ARHGEF25: variants seen among roughly 807,000 people sequenced by gnomAD.
The protein encoded by ARHGEF25 is RAC/CDC42 exchange factor.
Under a neutral mutation model 74.0 loss-of-function variants are expected in ARHGEF25, and 42 were observed. The ratio of observed to expected loss-of-function variants is 0.57; its 90% confidence interval spans 0.44 to 0.73. ARHGEF25 has a LOEUF of 0.73. Among genes scored for constraint, ARHGEF25 ranks in the 30% least tolerant of loss-of-function variants. The pLI, the probability that ARHGEF25 is intolerant of heterozygous loss-of-function variation, is 0.00. For synonymous variants in ARHGEF25, 293 were observed against 278.6 expected (o/e 1.05, Z -0.51); for missense variants, 645 against 725.5 (o/e 0.89, Z 1.27).
At position 57,614,295 on chromosome 12, in the gene ARHGEF25, G is replaced by A. The variant is rs1884184306; in HGVS notation, c.657-36G>A. ...GTGGGCGAGGTGGGGGTTGTGAAAT[G>A]TATTTGACCTGCTGCTTCTCTACCA... On this transcript the variant is annotated intron_variant, in intron 6 of 14. Transcript: ENST00000286494. This position sits in a 1 kb window ranked among gnomAD's most constrained non-coding sequence, Gnocchi z 4.6. 6.2e-6 allele frequency: 10 copies of A among 1,612,354 alleles called. No homozygotes were observed. The highest frequency in any genetic ancestry group is 8.5e-6 in the Non-Finnish European group (10 of 1,178,396).
In ARHGEF25 at chr12:57,613,350, T is replaced by A; in HGVS notation, c.399T>A (p.Asp133Glu). Residue 133 changes from aspartate (D) to glutamate (E), a missense_variant, in exon 3 of 15, where the codon GAT (aspartate) becomes GAA (glutamate). By Grantham distance (45) the Asp-to-Glu change is conservative. This residue lies in a region of ARHGEF25 where 189 missense variants were observed against 199.1 expected (regional missense o/e 0.95). Transcript: ENST00000286494. ...CCACACTGTTGGAGGGCCCTGGAGATAAGACGCAGGTGTGAGGACAGGCTC... is the reference window on the plus strand; with the variant it reads ...CCACACTGTTGGAGGGCCCTGGAGAAAAGACGCAGGTGTGAGGACAGGCTC... ...LLTTLLEGPGDKTQPPEEETL... is the reference protein window; with the variant it reads ...LLTTLLEGPGEKTQPPEEETL... The A allele has an allele frequency of 1.2e-6, 2 of 1,614,176 alleles. No individual in the cohort carries two copies. The highest frequency in any genetic ancestry group is 2.7e-5 in the African/African-American group (2 of 75,046).
chr12:57,614,142 C>G lies in ARHGEF25; in HGVS notation c.656+23C>G. Reference sequence around the variant, plus strand: ...AGAGTGAGTGGTGGAACTCTGACAGCTAGGTGCTGGAGAGGGGCCCTCATC... The same window carrying G: ...AGAGTGAGTGGTGGAACTCTGACAGGTAGGTGCTGGAGAGGGGCCCTCATC... On this transcript the variant is annotated intron_variant, in intron 6 of 14. Coordinates refer to ENST00000286494, the MANE Select transcript of ARHGEF25 (RefSeq NM_182947.4). The surrounding 1 kb of genome is among the most constrained non-coding windows in gnomAD (Gnocchi z 4.6). 1 of 1,611,668 alleles carries G rather than the reference C, an allele frequency of 6.2e-7. No homozygotes were observed. The highest frequency in any genetic ancestry group is 8.5e-7 in the Non-Finnish European group (1 of 1,177,980).
rs577560709 is a variant in ARHGEF25 at position 57,612,811 on chromosome 12, G to A, written c.98-119G>A. ...CAACTCAAATGAGGATGGCAAGAGA[G>A]TGAGCCCTTGGAGAGAGAGGCTGAG... is the stretch of plus-strand genomic sequence containing the variant. On this transcript the variant is annotated intron_variant, in intron 1 of 14. Coordinates refer to ENST00000286494, the MANE Select transcript of ARHGEF25 (RefSeq NM_182947.4). The A allele has an allele frequency of 2.3e-4, 345 of 1,506,600 alleles. 3 individuals carry two copies. In the South Asian group the frequency reaches 4.4e-3, roughly 19 times the overall value. 93.3% of individuals were successfully genotyped at this position (1,506,600 alleles called of 1,614,324 possible).
At position 57,613,017 on chromosome 12, in the gene ARHGEF25, T is replaced by C. The variant is rs1884118504; in HGVS notation, c.185T>C (p.Leu62Pro). 6.2e-7 allele frequency: 1 copy of C among 1,614,116 alleles called. No homozygotes were observed. The highest frequency in any genetic ancestry group is 8.5e-7 in the Non-Finnish European group (1 of 1,179,998). The change falls in exon 2 of 15, where the codon CTC (leucine) becomes CCC (proline). Residue 62 changes from leucine to proline, a missense_variant. Physicochemically the swap from Leu to Pro is moderately conservative, Grantham distance 98. Coordinates refer to ENST00000286494, the MANE Select transcript of ARHGEF25 (RefSeq NM_182947.4). The part of the protein sequence containing the change: ...LAAPSGPSSG[L>P]SSGPCSPGPP... ...GCCCCCTCTGGCCCCAGCTCTGGCC[T>C]CAGCTCTGGCCCCTGTTCCCCAGGC...
At chr12:57,611,035 A>G (rs1255526255), upstream of ARHGEF25, among the ~76,000 whole-genome samples, 2 of 151,618 alleles carry the variant, frequency 1.3e-5, no homozygotes, top group African/African-American at 2.4e-5. The surrounding 1 kb of genome is among the most constrained non-coding windows in gnomAD (Gnocchi z 4.5). Context: ...CCCACAAAAG[A>G]CTCCCCATAC....
upstream of ARHGEF25, chr12:57,610,313 G>T (rs200996448): frequency 1.4e-3 from 2,103 of 1,528,644 alleles, 8 homozygotes; most frequent in Non-Finnish European, 1.6e-3. Flanking sequence ...TGGGCAGGAG[G>T]GGGTAAGAAT....
Position 57,611,455 on chromosome 12 carries a change from G to A in ARHGEF25, c.-440G>A. 1 of 985,492 alleles carries A rather than the reference G, an allele frequency of 1.0e-6. No homozygotes were observed. The highest frequency in any genetic ancestry group is 1.2e-6 in the Non-Finnish European group (1 of 830,068). 61.0% of individuals were successfully genotyped at this position (985,492 alleles called of 1,614,324 possible). A position where few individuals can be genotyped will look rare whatever the true frequency, so the allele number is the denominator to read the frequency against. ...CTGTTATTCAGCTCTCCGCTCCGCT[G>A]GGACCCGCACAGCGCCAGTGGCTCG... On this transcript the variant is annotated 5_prime_UTR_variant, in exon 1 of 15. Coordinates refer to ENST00000286494, the MANE Select transcript of ARHGEF25 (RefSeq NM_182947.4). This position sits in a 1 kb window ranked among gnomAD's most constrained non-coding sequence, Gnocchi z 4.5.
upstream of ARHGEF25, chr12:57,610,555 G>A: frequency 1.9e-6 from 3 of 1,602,730 alleles, no homozygotes; most frequent in Non-Finnish European, 2.6e-6. Flanking sequence ...CCTTACAGTG[G>A]TTCTGTCCCC....
intron 4 of ARHGEF25, 77 bp from the exon 5 acceptor site, chr12:57,613,617 G>T: frequency 2.5e-6 from 4 of 1,609,930 alleles, no homozygotes; most frequent in Non-Finnish European, 3.4e-6. Flanking sequence ...GATGATAAAG[G>T]GGAGGAGGGA....
chr12:57,611,695 A>G lies in ARHGEF25; in HGVS notation c.-200A>G. ...CCGGGCCCCGCGCCTCTCTCTCTCT[A>G]GAGCCCCCAGCCCTCCTCAAGACTA... On this transcript the variant is annotated 5_prime_UTR_variant, in exon 1 of 15. Coordinates refer to ENST00000286494, the MANE Select transcript of ARHGEF25 (RefSeq NM_182947.4). This position sits in a 1 kb window ranked among gnomAD's most constrained non-coding sequence, Gnocchi z 4.5. The G allele has an allele frequency of 2.6e-6, 3 of 1,135,008 alleles. No individual in the cohort carries two copies. Among genetic ancestry groups the G allele is most frequent in the African/African-American group, 1.6e-5 (1 of 60,976 alleles). 70.3% of individuals were successfully genotyped at this position (1,135,008 alleles called of 1,614,324 possible).
Position 57,612,997 on chromosome 12 carries a change from C to A in ARHGEF25, c.165C>A (p.Pro55=), listed in dbSNP as rs767335428. The change falls in exon 2 of 15, where the codon CCC becomes CCA. Residue 55 remains proline (P), a synonymous_variant. Transcript: ENST00000286494. ...SASAASGLAA[P]SGPSSGLSSG... ...CTGCTGCCTCCGGTCTGGCTGCCCC[C>A]TCTGGCCCCAGCTCTGGCCTCAGCT... is the stretch of plus-strand genomic sequence containing the variant. The A allele has an allele frequency of 6.2e-7, 1 of 1,614,158 alleles. No homozygotes were observed. The highest frequency in any genetic ancestry group is 8.5e-7 in the Non-Finnish European group (1 of 1,180,012).
intron 5 of ARHGEF25, 65 bp from the exon 6 acceptor site, chr12:57,613,951 G>A (rs1418851980): frequency 6.5e-7 from 1 of 1,545,708 alleles, no homozygotes; most frequent in Non-Finnish European, 8.9e-7. Flanking sequence ...TTTGTGTACA[G>A]GAGCACCATT....
At position 57,616,786 on chromosome 12, in the gene ARHGEF25, C is replaced by T; in HGVS notation, c.1635C>T (p.Ala545=). 6.2e-7 allele frequency: 1 copy of T among 1,600,988 alleles called. No homozygotes were observed. The highest frequency in any genetic ancestry group is 8.5e-7 in the Non-Finnish European group (1 of 1,170,626). Residue 545 remains alanine (A), a splice_region_variant and synonymous_variant, in exon 15 of 15, where the codon GCC becomes GCT. Coordinates refer to ENST00000286494, the MANE Select transcript of ARHGEF25 (RefSeq NM_182947.4). ...ARALLPLDKQ[A]LGDIPQAPHD... is the part of the protein sequence containing the mutation. ...TCTGACTTGAATCTTTTCTTCAGGC[C>T]CTTGGTGACATCCCCCAGGCTCCCC...
Position 57,614,769 on chromosome 12 carries a change from G to C in ARHGEF25, c.897G>C (p.Gln299His), listed in dbSNP as rs1884208881. The change falls in exon 9 of 15, where the codon CAG (glutamine) becomes CAC (histidine). Residue 299 changes from glutamine to histidine, a missense_variant. Physicochemically the swap from Gln to His is conservative, Grantham distance 24. Coordinates refer to ENST00000286494, the MANE Select transcript of ARHGEF25 (RefSeq NM_182947.4). This position sits in a 1 kb window ranked among gnomAD's most constrained non-coding sequence, Gnocchi z 4.6. Reference sequence around the variant, plus strand: ...CTGTGCAGCGGATCATGAAATACCAGCTGCTGCTCAAGGTCAGGACCCCCT... The same window carrying C: ...CTGTGCAGCGGATCATGAAATACCACCTGCTGCTCAAGGTCAGGACCCCCT... ...IKPVQRIMKY[Q>H]LLLKDFLKYY... is the part of the protein sequence containing the mutation. 1 of 1,609,684 alleles carries C rather than the reference G, an allele frequency of 6.2e-7. No homozygotes were observed. Among genetic ancestry groups the C allele is most frequent in the African/African-American group, 1.3e-5 (1 of 74,794 alleles).
At position 57,613,301 on chromosome 12, in the gene ARHGEF25, A is replaced by G; in HGVS notation, c.350A>G (p.Glu117Gly). 1 of 1,614,170 alleles carries G rather than the reference A, an allele frequency of 6.2e-7. No homozygotes were observed. Among genetic ancestry groups the G allele is most frequent in the Non-Finnish European group, 8.5e-7 (1 of 1,180,012 alleles). The change falls in exon 3 of 15, where the codon GAG (glutamate) becomes GGG (glycine). Residue 117 changes from glutamate to glycine, a missense_variant. Coordinates refer to ENST00000286494, the MANE Select transcript of ARHGEF25 (RefSeq NM_182947.4). Reference sequence around the variant, plus strand: ...GAGCCAGCTCTAGCCACAGGAGAGGAGCTGCCGGAACTGACCTTGCTGACC... The same window carrying G: ...GAGCCAGCTCTAGCCACAGGAGAGGGGCTGCCGGAACTGACCTTGCTGACC... The part of the protein sequence containing the change: ...MLEPALATGE[E>G]LPELTLLTTL...
At position 57,617,081 on chromosome 12, in the gene ARHGEF25, C is replaced by G; in HGVS notation, c.*187C>G. On this transcript the variant is annotated 3_prime_UTR_variant, in exon 15 of 15. Coordinates refer to ENST00000286494, the MANE Select transcript of ARHGEF25 (RefSeq NM_182947.4). Reference sequence around the variant, plus strand: ...AGGACTTTTTTCTGCCCAAGGAACACAGTTTCCTTCAGCTCCCATCCCTAT... The same window carrying G: ...AGGACTTTTTTCTGCCCAAGGAACAGAGTTTCCTTCAGCTCCCATCCCTAT... The G allele has an allele frequency of 4.7e-6, 1 of 211,852 alleles. No homozygotes were observed. Among genetic ancestry groups the G allele is most frequent in the Non-Finnish European group, 8.8e-6 (1 of 113,114 alleles). The allele number at this position is 211,852 out of a possible 1,614,324, so 13.1% of individuals were successfully genotyped here.
chr12:57,614,274 G>A lies in ARHGEF25; in HGVS notation c.657-57G>A, dbSNP rs111730781. On this transcript the variant is annotated intron_variant, in intron 6 of 14. Coordinates refer to ENST00000286494, the MANE Select transcript of ARHGEF25 (RefSeq NM_182947.4). This position sits in a 1 kb window ranked among gnomAD's most constrained non-coding sequence, Gnocchi z 4.6. ...GACAGCTCGAAACTGCTGGGAGTGG[G>A]CGAGGTGGGGGTTGTGAAATGTATT... is the stretch of plus-strand genomic sequence containing the variant. The A allele has an allele frequency of 8.4e-5, 134 of 1,603,138 alleles. 2 individuals carry two copies. In the African/African-American group the frequency reaches 1.3e-3, roughly 15 times the overall value.
chr12:57,612,889 G>A (rs199644875), intron 1 of ARHGEF25, 41 bp from the exon 2 acceptor site: 963 of 1,590,162 alleles, frequency 6.1e-4, no homozygotes, highest in Non-Finnish European at 7.7e-4. Flanking sequence ...GTCTGGAGCT[G>A]GGGCAAGGTC....
chr12:57,610,931 G>A (rs1338129966), upstream of ARHGEF25, among the ~76,000 whole-genome samples: 1 of 152,188 alleles, frequency 6.6e-6, no homozygotes, highest in Non-Finnish European at 1.5e-5. Flanking sequence ...CGGGCTCCAG[G>A]ACTTCGCCTT....
Sources: gnomAD v4.1 joint callset for allele counts (sites outside exome capture counted in the v4.1 genomes callset) on GRCh38, gnomAD v4.1.1 for gene constraint, gnomAD v4.1.1 regional missense constraint, Gnocchi (gnomAD v3.1) non-coding constraint, MANE v1.5 for transcripts, NCBI Gene and HGNC (gene_info 2026-07-23, HGNC 2026-07-21) for gene names.